Variants in CNBD1 observed in about 807,000 individuals in gnomAD.
The protein encoded by CNBD1 is cyclic nucleotide binding domain containing 1.
A neutral mutation model predicts 54.4 loss-of-function variants in CNBD1; 71 were observed. That is an observed-to-expected ratio of 1.30 (90% confidence interval 1.08 to 1.59). CNBD1 has a LOEUF of 1.59. Among genes scored for constraint, CNBD1 ranks in the 40% most tolerant of loss-of-function variants. The probability of loss-of-function intolerance (pLI) is 0.00; values close to 1 mark genes in which losing one functional copy is unlikely to be tolerated. For synonymous variants in CNBD1, 182 were observed against 170.7 expected (o/e 1.07, Z -0.51); for missense variants, 659 against 518.0 (o/e 1.27, Z -2.64).
At chr8:86,972,395 A>G (rs1017436048) in intron 4 of CNBD1, among the ~76,000 whole-genome samples, 1 of 152,216 alleles carries the variant, frequency 6.6e-6, no homozygotes, top group African/African-American at 2.4e-5. Context: ...AAAATGTAAG[A>G]GTAGAAGCAT....
At chr8:87,368,480 A>G (rs374837559) in intron 10 of CNBD1, among the ~76,000 whole-genome samples, 9 of 151,918 alleles carry the variant, frequency 5.9e-5, no homozygotes, top group African/African-American at 1.4e-4. Flanking sequence ...TACAAAAAAT[A>G]GTAAAAAGTT....
chr8:87,045,501 G>A (rs912413581), intron 4 of CNBD1, among the ~76,000 whole-genome samples: 11 of 151,908 alleles, frequency 7.2e-5, no homozygotes, highest in Non-Finnish European at 1.2e-4. Flanking sequence ...GGAGGCGGGC[G>A]GATCACGAGG....
intron 10 of CNBD1, among the ~76,000 whole-genome samples, chr8:87,379,325 G>T (rs1027256941): frequency 2.0e-5 from 3 of 151,814 alleles, no homozygotes; most frequent in Non-Finnish European, 4.4e-5. Context: ...AGATCAACGA[G>T]ACAGAAAGTC....
chr8:87,403,272 A>G (rs892462464), intron 2 of CNBD1, among the ~76,000 whole-genome samples: 6 of 152,062 alleles, frequency 3.9e-5, no homozygotes, highest in Admixed American at 2.0e-4. Flanking sequence ...TGTTTGCATC[A>G]GCAGTTAGTT....
Position 87,206,027 on chromosome 8 carries a change from G to C in CNBD1, c.466G>C (p.Val156Leu), listed in dbSNP as rs1468350660. 6.3e-7 allele frequency: 1 copy of C among 1,589,232 alleles called. No individual in the cohort carries two copies. The highest frequency in any genetic ancestry group is 8.6e-7 in the Non-Finnish European group (1 of 1,168,968). Residue 156 changes from valine (V) to leucine (L), a missense_variant, in exon 5 of 11, where the codon GTG becomes CTG. Val to Leu is a conservative substitution (Grantham distance 32). Coordinates refer to ENST00000518476, the MANE Select transcript of CNBD1 (RefSeq NM_173538.3). ...IHRTPYEHKTVWKFLKTIPDL... is the reference protein window; with the variant it reads ...IHRTPYEHKTLWKFLKTIPDL... ...CAGGACGCCATATGAACACAAAACT[G>C]TGTGGAAGTTCCTGAAAACAATTCC...
chr8:87,092,495 G>GTA lies in CNBD1; in HGVS notation c.432-113490_432-113489dup, dbSNP rs528084126. On this transcript the variant is annotated intron_variant, in intron 4 of 10. Coordinates refer to ENST00000518476, the MANE Select transcript of CNBD1 (RefSeq NM_173538.3). Reference sequence around the variant, plus strand: ...TATATATATACACATATGTGTGTGTGTATATATATGTGTGTGTGTGTATGT... The same window carrying GTA: ...TATATATATACACATATGTGTGTGTGTATATATATATGTGTGTGTGTGTATGT... Among the ~76,000 whole-genome samples, 3 of 146,428 alleles carry GTA rather than the reference G, an allele frequency of 2.0e-5. No individual in the cohort carries two copies. The Admixed American group carries it at 2.1e-4, about 10-fold the overall frequency.
chr8:87,220,313 G>C (rs1177955185), intron 5 of CNBD1, among the ~76,000 whole-genome samples: 4 of 151,884 alleles, frequency 2.6e-5, no homozygotes, highest in Non-Finnish European at 5.9e-5. Flanking sequence ...CTTACCAATA[G>C]TCCTCTGACC....
At chr8:87,263,851 G>C (rs1808193558) in intron 6 of CNBD1, among the ~76,000 whole-genome samples, 1 of 151,756 alleles carries the variant, frequency 6.6e-6, no homozygotes, top group African/African-American at 2.4e-5. Context: ...TATACTAAGA[G>C]GAAATTAATC....
chr8:87,280,895 G>T (rs1330569199), intron 6 of CNBD1, among the ~76,000 whole-genome samples: 1 of 151,378 alleles, frequency 6.6e-6, no homozygotes, highest in African/African-American at 2.4e-5. Context: ...ACAAGTATGA[G>T]AAACTGTTCC....
intron 2 of CNBD1, among the ~76,000 whole-genome samples, chr8:87,406,976 A>T (rs895599593): frequency 4.6e-5 from 7 of 152,238 alleles, no homozygotes; most frequent in African/African-American, 1.7e-4. Context: ...TTAATTATAA[A>T]ATCAATGAAT....
intron 4 of CNBD1, among the ~76,000 whole-genome samples, chr8:87,079,197 TTAA>T (rs1810936721): frequency 6.6e-6 from 1 of 152,156 alleles, no homozygotes; most frequent in Non-Finnish European, 1.5e-5. Context: ...CTGTTACTTT[TTAA>T]TAATGAATAG....
intron 4 of CNBD1, among the ~76,000 whole-genome samples, chr8:87,099,356 G>A (rs1201154313): frequency 6.6e-6 from 1 of 152,140 alleles, no homozygotes; most frequent in Non-Finnish European, 1.5e-5. Flanking sequence ...AAGTGAAATG[G>A]AAAGCCTTTG....
At chr8:86,959,979 G>A (rs548959161) in intron 4 of CNBD1, among the ~76,000 whole-genome samples, 15 of 152,142 alleles carry the variant, frequency 9.9e-5, no homozygotes, top group South Asian at 4.2e-4. Context: ...TCTCCCCATC[G>A]TTGTTGTTTT....
chr8:87,047,373 C>G (rs1411260929), intron 4 of CNBD1, among the ~76,000 whole-genome samples: 1 of 152,178 alleles, frequency 6.6e-6, no homozygotes, highest in East Asian at 1.9e-4. Context: ...TAAGGATCAT[C>G]AAGAAGCCTC....
At chr8:87,279,250 T>C (rs1808542117) in intron 6 of CNBD1, among the ~76,000 whole-genome samples, 1 of 151,284 alleles carries the variant, frequency 6.6e-6, no homozygotes. Flanking sequence ...TGGTAATAAC[T>C]AGACTAATCA....
At chr8:87,195,372 G>A (rs1813696808) in intron 4 of CNBD1, among the ~76,000 whole-genome samples, 1 of 151,286 alleles carries the variant, frequency 6.6e-6, no homozygotes, top group African/African-American at 2.4e-5. Context: ...GGGATTACAG[G>A]TGCATGCCAT....
chr8:87,077,946 C>T (rs1810909890), intron 4 of CNBD1, among the ~76,000 whole-genome samples: 1 of 152,076 alleles, frequency 6.6e-6, no homozygotes, highest in African/African-American at 2.4e-5. Flanking sequence ...AATGGGATCA[C>T]TGGGTCAAAT....
intron 4 of CNBD1, among the ~76,000 whole-genome samples, chr8:86,956,373 CAT>C (rs1807769538): frequency 6.6e-6 from 1 of 152,164 alleles, no homozygotes; most frequent in South Asian, 2.1e-4. Context: ...TGAAGAAAGT[CAT>C]TGGTAGCTTG....
At chr8:87,082,339 T>G (rs917919328) in intron 4 of CNBD1, among the ~76,000 whole-genome samples, 1 of 152,202 alleles carries the variant, frequency 6.6e-6, no homozygotes, top group Admixed American at 6.5e-5. Context: ...TATCTCCCTT[T>G]GCTGACTATT....
Sources: gnomAD v4.1 joint callset for allele counts (sites outside exome capture counted in the v4.1 genomes callset) on GRCh38, gnomAD v4.1.1 for gene constraint, MANE v1.5 for transcripts, NCBI Gene and HGNC (gene_info 2026-07-23, HGNC 2026-07-21) for gene names.